SMG5: variants seen among roughly 807,000 people sequenced by gnomAD.
SMG5 encodes nonsense-mediated mRNA decay factor SMG5.
Under a neutral mutation model 122.9 loss-of-function variants are expected in SMG5, and 53 were observed. The observed-to-expected ratio is 0.43, with a 90% CI of 0.35 to 0.54. The LOEUF (loss-of-function observed/expected upper bound fraction) is 0.54, where lower values mean the gene tolerates loss of function less well. Among genes scored for constraint, SMG5 ranks in the 20% least tolerant of loss-of-function variants. SMG5 has a pLI of 0.01. For synonymous variants in SMG5, 477 were observed against 490.2 expected (o/e 0.97, Z 0.35); for missense variants, 1,153 against 1,285.6 (o/e 0.90, Z 1.58).
chr1:156,263,707 G>T, intron 12 of SMG5, 137 bp from the exon 13 acceptor site: 1 of 894,730 alleles, frequency 1.1e-6, no homozygotes, highest in Non-Finnish European at 1.6e-6. Flanking sequence ...AAAAATCTGG[G>T]GAACCACTTA....
At chr1:156,275,131 T>TA (rs760480249) in intron 4 of SMG5, among the ~76,000 whole-genome samples, 22,683 of 86,814 alleles carry the variant, frequency 0.26, 2,739 homozygotes, top group Admixed American at 0.35. Flanking sequence ...TGACGCCAAT[T>TA]AAAAAAAAAA....
intron 12 of SMG5, among the ~76,000 whole-genome samples, chr1:156,264,401 T>C (rs551820966): frequency 1.3e-5 from 2 of 151,938 alleles, no homozygotes; most frequent in South Asian, 2.1e-4. Context: ...AGTCATTCGA[T>C]AGTTCTTAAG....
chr1:156,269,802 G>C (rs1007199275), intron 7 of SMG5, among the ~76,000 whole-genome samples: 8 of 152,186 alleles, frequency 5.3e-5, no homozygotes, highest in Non-Finnish European at 1.0e-4. Flanking sequence ...GTGAATCCAG[G>C]AGGCGGAGCT....
At chr1:156,291,149 A>C in the SMG5 span, 1 of 513,484 alleles carries the variant, frequency 1.9e-6, no homozygotes. Flanking sequence ...AAAAGAGGGA[A>C]AGGAATAACA....
intron 13 of SMG5, among the ~76,000 whole-genome samples, chr1:156,262,613 A>G (rs1322924169): frequency 1.3e-5 from 2 of 152,082 alleles, no homozygotes; most frequent in Admixed American, 1.3e-4. Flanking sequence ...CAGCCCTCCC[A>G]TGTGCCCATA....
rs1438924252 is a variant in SMG5 at position 156,250,923 on chromosome 1, C to T, written c.2902G>A (p.Gly968Ser). Residue 968 changes from glycine to serine, a missense_variant, in exon 21 of 22, where the codon GGC (glycine) becomes AGC (serine). By Grantham distance (56) the Gly-to-Ser change is moderately conservative. This residue lies in a region of SMG5 where 84 missense variants were observed against 82.3 expected (regional missense o/e 1.02). Transcript: ENST00000361813. ...AQGAGEEDPS[G>S]MVTIITGLPL... ...AGGCCTGTGATGATGGTCACCATGCCACTCGGATCCTCCTCACCTGCCCCC... is the reference window on the plus strand; with the variant it reads ...AGGCCTGTGATGATGGTCACCATGCTACTCGGATCCTCCTCACCTGCCCCC... The T allele has an allele frequency of 6.2e-7, 1 of 1,613,844 alleles. No individual in the cohort carries two copies.
chr1:156,277,224 G>GCTC lies in SMG5; in HGVS notation c.312_314dup (p.Arg104dup). On this transcript the variant is annotated inframe_insertion, in exon 4 of 22. Transcript: ENST00000361813. ...GCGTCCTGTAGGCACATTCCAAAGT[G>GCTC]CTCCGGCTGTGGATGTGCTACAGAT... 3 of 1,613,400 alleles carry GCTC rather than the reference G, an allele frequency of 1.9e-6. No homozygotes were observed. The highest frequency in any genetic ancestry group is 2.5e-6 in the Non-Finnish European group (3 of 1,179,912).
At chr1:156,264,930 G>A (rs1264959018) in intron 12 of SMG5, among the ~76,000 whole-genome samples, 2 of 151,926 alleles carry the variant, frequency 1.3e-5, no homozygotes, top group African/African-American at 2.4e-5. Flanking sequence ...GGAGGCTGAG[G>A]CAGAAGAATC....
At chr1:156,264,267 C>CAAAAAAAAAA (rs1205363773) in intron 12 of SMG5, among the ~76,000 whole-genome samples, 6 of 53,976 alleles carry the variant, frequency 1.1e-4, no homozygotes, top group African/African-American at 4.9e-4. Flanking sequence ...GACTCCGTCT[C>CAAAAAAAAAA]AAAAAAAAAA....
At chr1:156,286,372 C>T (rs780610052), upstream of SMG5, 1 of 1,614,204 alleles carries the variant, frequency 6.2e-7, no homozygotes, top group South Asian at 1.1e-5. Flanking sequence ...CGGTCCAGCT[C>T]TTTATTCTCT....
Position 156,251,493 on chromosome 1 carries a change from G to A in SMG5, c.2754-16C>T. 1.2e-6 allele frequency: 2 copies of A among 1,613,560 alleles called. No individual in the cohort carries two copies. Among genetic ancestry groups the A allele is most frequent in the Middle Eastern group, 1.8e-4 (1 of 5,710 alleles). ...GCGAATGTACCTGCAGAGGAGATGT[G>A]CGAGTGGAGGTCAGGAGCAGGAGAC... On this transcript the variant is annotated splice_polypyrimidine_tract_variant and intron_variant, in intron 19 of 21. Coordinates refer to ENST00000361813, the MANE Select transcript of SMG5 (RefSeq NM_015327.3).
upstream of SMG5, chr1:156,286,116 G>A: frequency 7.1e-7 from 1 of 1,401,758 alleles, no homozygotes; most frequent in African/African-American, 1.4e-5. Context: ...CTGCCAGTCT[G>A]CATGCCCATC....
Position 156,250,949 on chromosome 1 carries a change from T to C in SMG5, c.2876A>G (p.Gln959Arg). ...ACTCGGATCCTCCTCACCTGCCCCC[T>C]GGGCCAGAGTCAGCTGTTTGCAGCT... is the stretch of plus-strand genomic sequence containing the variant. ...LDSCKQLTLA[Q>R]GAGEEDPSGM... The change falls in exon 21 of 22, where the codon CAG becomes CGG. Residue 959 changes from glutamine to arginine, a missense_variant. Coordinates refer to ENST00000361813, the MANE Select transcript of SMG5 (RefSeq NM_015327.3). 6.2e-7 allele frequency: 1 copy of C among 1,613,984 alleles called. No individual in the cohort carries two copies. Among genetic ancestry groups the C allele is most frequent in the Non-Finnish European group, 8.5e-7 (1 of 1,179,936 alleles).
Position 156,253,093 on chromosome 1 carries a change from C to A in SMG5, c.2503-15G>T, listed in dbSNP as rs887875113. ...GACACTTCGAGCTGGTGAGAGAGGG[C>A]AAGGTGGGTACAGCTGTGGGGGACC... On this transcript the variant is annotated splice_polypyrimidine_tract_variant and intron_variant, in intron 17 of 21. Coordinates refer to ENST00000361813, the MANE Select transcript of SMG5 (RefSeq NM_015327.3). 4 of 1,586,896 alleles carry A rather than the reference C, an allele frequency of 2.5e-6. No individual in the cohort carries two copies. In the East Asian group the frequency reaches 6.8e-5, roughly 27 times the overall value.
intron 14 of SMG5, 72 bp downstream of exon 14, chr1:156,261,261 G>A (rs920729643): frequency 4.9e-6 from 7 of 1,436,872 alleles, no homozygotes; most frequent in African/African-American, 4.2e-5. Flanking sequence ...CTGGGTTATG[G>A]GGAGGGGAGA....
rs1436864494 is a variant in SMG5, at chr1:156,271,035, G to A, written c.713+1285C>T. 2.6e-5 allele frequency among the ~76,000 whole-genome samples: 4 copies of A among 151,600 alleles called. No individual in the cohort carries two copies. The East Asian group carries it at 5.8e-4, about 22-fold the overall frequency. On this transcript the variant is annotated intron_variant, in intron 7 of 21. Transcript: ENST00000361813. The stretch of plus-strand genomic sequence containing the variant: ...AAAAAAAAAAAGAAAAAAGAAATGC[G>A]AAAGATACACCAGGTTATAAACCTA...
rs765958889 is a variant in SMG5, at chr1:156,259,162, G to A, written c.2285C>T (p.Ser762Leu). 15 of 1,568,742 alleles carry A rather than the reference G, an allele frequency of 9.6e-6. No individual in the cohort carries two copies. The highest frequency in any genetic ancestry group is 1.2e-5 in the Non-Finnish European group (14 of 1,157,348). ...DRPLLSTLEE[S>L]VVRICCIRSF... The stretch of plus-strand genomic sequence containing the variant: ...GCGGATGCAGCAGATGCGCACCACT[G>A]ACTGTGGGGAGATACAGGAGCCCAG... The change falls in exon 16 of 22, where the codon TCA becomes TTA. Residue 762 changes from serine to leucine, a missense_variant and splice_region_variant. Coordinates refer to ENST00000361813, the MANE Select transcript of SMG5 (RefSeq NM_015327.3).
upstream of SMG5, among the ~76,000 whole-genome samples, chr1:156,284,822 A>G (rs1412387886): frequency 6.6e-6 from 1 of 152,134 alleles, no homozygotes; most frequent in African/African-American, 2.4e-5. Flanking sequence ...AAAGTTCTAG[A>G]CACCTCTTCT....
At position 156,274,747 on chromosome 1, in the gene SMG5, G is replaced by A. The variant is rs1662603561; in HGVS notation, c.455-61C>T. 3.7e-6 allele frequency: 5 copies of A among 1,347,910 alleles called. No homozygotes were observed. In the South Asian group the frequency reaches 5.9e-5, roughly 16 times the overall value. The allele number at this position is 1,347,910 out of a possible 1,614,324, so 83.5% of individuals were successfully genotyped here. On this transcript the variant is annotated intron_variant, in intron 4 of 21. Transcript: ENST00000361813. ...TCTTCTGCCTTCCCGCACCTATGAA[G>A]AAATACCCCTCCGAGATGTAGAGAC... is the stretch of plus-strand genomic sequence containing the variant.
Sources: gnomAD v4.1 joint callset for allele counts (sites outside exome capture counted in the v4.1 genomes callset) on GRCh38, gnomAD v4.1.1 for gene constraint, gnomAD v4.1.1 regional missense constraint, MANE v1.5 for transcripts, NCBI Gene and HGNC (gene_info 2026-07-23, HGNC 2026-07-21) for gene names.